Variants in ASXL3 observed in about 807,000 individuals in gnomAD.
ASXL3 encodes the protein ASXL transcriptional regulator 3.
In ASXL3, 34 loss-of-function variants were observed where a neutral mutation model predicts 170.6. The observed-to-expected ratio is 0.20, with a 90% CI of 0.15 to 0.27. The LOEUF (loss-of-function observed/expected upper bound fraction) is 0.27. Among genes scored for constraint, ASXL3 ranks in the 10% least tolerant of loss-of-function variants. The probability of loss-of-function intolerance (pLI) is 1.00; values close to 1 mark genes in which losing one functional copy is unlikely to be tolerated. For missense variants in ASXL3, 2,592 were observed against 2,695.3 expected (o/e 0.96, Z 0.85); for synonymous variants, 1,002 against 989.1 (o/e 1.01, Z -0.24).
At chr18:33,632,964 C>T in intron 2 of ASXL3, among the ~76,000 whole-genome samples, 1 of 152,070 alleles carries the variant, frequency 6.6e-6, no homozygotes, top group East Asian at 1.9e-4. Flanking sequence ...GTGGACCTTC[C>T]CTCTGGAATC....
rs780554857 is a variant in ASXL3 at position 33,739,261 on chromosome 18, G to C, written c.1857G>C (p.Glu619Asp). ...SETSFSSESP[E>D]GACTSLPSPG... is the part of the protein sequence containing the mutation. ...CGTCCTTTTCTTCTGAGAGCCCAGA[G>C]GGAGCCTGTACCAGCCTGCCTTCTC... The change falls in exon 11 of 12, where the codon GAG becomes GAC. Residue 619 changes from glutamate to aspartate, a missense_variant. Around this residue, in one of 4 missense-constraint regions of ASXL3, gnomAD observed 2,246 missense variants for 2,219.6 expected, o/e 1.01. Transcript: ENST00000269197. 10 of 1,613,664 alleles carry C rather than the reference G, an allele frequency of 6.2e-6. No individual in the cohort carries two copies. The East Asian group carries it at 2.0e-4, about 32-fold the overall frequency.
chr18:33,722,495 G>T (rs1010883849), intron 8 of ASXL3, among the ~76,000 whole-genome samples: 2 of 152,128 alleles, frequency 1.3e-5, no homozygotes, highest in African/African-American at 4.8e-5. Context: ...ATTCCTTTAA[G>T]CCAGAGCCTA....
At chr18:33,672,431 T>A (rs919639114) in intron 7 of ASXL3, among the ~76,000 whole-genome samples, 7 of 152,188 alleles carry the variant, frequency 4.6e-5, no homozygotes, top group African/African-American at 1.4e-4. Context: ...TCAACATACT[T>A]CTTTCCTGAT....
chr18:33,599,451 A>G (rs1217042740), intron 1 of ASXL3, among the ~76,000 whole-genome samples: 1 of 152,180 alleles, frequency 6.6e-6, no homozygotes, highest in Non-Finnish European at 1.5e-5. Context: ...TGGCAGCCAC[A>G]ACAGTTTGTT....
chr18:33,589,197 C>A (rs2065058072), intron 1 of ASXL3, among the ~76,000 whole-genome samples: 2 of 152,150 alleles, frequency 1.3e-5, no homozygotes, highest in African/African-American at 4.8e-5. Context: ...AATTTTATTT[C>A]TATTGTTTAA....
At chr18:33,657,897 A>G (rs1458724111) in intron 4 of ASXL3, among the ~76,000 whole-genome samples, 1 of 152,148 alleles carries the variant, frequency 6.6e-6, no homozygotes, top group Non-Finnish European at 1.5e-5. Context: ...GTGGAATGAT[A>G]AAAATTCTAG....
At chr18:33,728,493 A>C (rs769543190) in intron 8 of ASXL3, among the ~76,000 whole-genome samples, 29 of 152,140 alleles carry the variant, frequency 1.9e-4, no homozygotes, top group Non-Finnish European at 4.1e-4. Context: ...TTGTAGAAAA[A>C]TTTCAGATTT....
intron 8 of ASXL3, among the ~76,000 whole-genome samples, chr18:33,708,382 T>A (rs929304584): frequency 2.8e-4 from 43 of 152,214 alleles, no homozygotes; most frequent in Non-Finnish European, 3.7e-4. Flanking sequence ...GCATATTGAA[T>A]GTGTACATGT....
intron 8 of ASXL3, among the ~76,000 whole-genome samples, chr18:33,686,196 A>T (rs1353864252): frequency 6.6e-6 from 1 of 152,204 alleles, no homozygotes; most frequent in Non-Finnish European, 1.5e-5. Context: ...TTTTTTATTC[A>T]GAAATATTTA....
Position 33,586,829 on chromosome 18 carries a change from A to G in ASXL3, c.54+8144A>G, listed in dbSNP as rs550253091. ...TGAAATTTATCCAGTTCATTTAAAC[A>G]TTTATTGGATACTTTCAACAATTGT... On this transcript the variant is annotated intron_variant, in intron 1 of 11. Coordinates refer to ENST00000269197, the MANE Select transcript of ASXL3 (RefSeq NM_030632.3). Among the ~76,000 whole-genome samples the G allele has an allele frequency of 3.9e-5, 6 of 152,318 alleles. 1 individual carries two copies. The highest frequency in any genetic ancestry group is 1.4e-4 in the African/African-American group (6 of 41,574).
chr18:33,595,293 C>A lies in ASXL3; in HGVS notation c.55-12301C>A, dbSNP rs77274894. 1.8e-3 allele frequency among the ~76,000 whole-genome samples: 276 copies of A among 152,244 alleles called. 1 individual carries two copies. The highest frequency in any genetic ancestry group is 6.3e-3 in the African/African-American group (262 of 41,548). ...AGTGCATATTTAACAAAGAAATACA[C>A]CCTGCTTCTCAGAATTTTTGTTTAT... On this transcript the variant is annotated intron_variant, in intron 1 of 11. Coordinates refer to ENST00000269197, the MANE Select transcript of ASXL3 (RefSeq NM_030632.3).
chr18:33,578,748 G>C (rs2064967823), intron 1 of ASXL3, 63 bp downstream of exon 1: 1 of 1,045,426 alleles, frequency 9.6e-7, no homozygotes, highest in Non-Finnish European at 1.2e-6. Context: ...GCCCCGCGCC[G>C]GTCCGCGGCG....
intron 2 of ASXL3, among the ~76,000 whole-genome samples, chr18:33,632,011 A>G (rs2065684722): frequency 6.6e-6 from 1 of 152,114 alleles, no homozygotes; most frequent in Admixed American, 6.5e-5. Flanking sequence ...TATGTTCAGG[A>G]GTTGGTATAT....
intron 2 of ASXL3, among the ~76,000 whole-genome samples, chr18:33,627,924 A>G (rs1232999659): frequency 6.6e-6 from 1 of 152,158 alleles, no homozygotes; most frequent in East Asian, 1.9e-4. Flanking sequence ...AGTGTTGAAC[A>G]TGAAAGAAGT....
intron 1 of ASXL3, among the ~76,000 whole-genome samples, chr18:33,583,323 A>G (rs1203283765): frequency 1.3e-5 from 2 of 152,164 alleles, no homozygotes; most frequent in African/African-American, 2.4e-5. Flanking sequence ...ATAACTGACA[A>G]TGTAGTTGGA....
intron 4 of ASXL3, among the ~76,000 whole-genome samples, chr18:33,651,524 C>T (rs2065998613): frequency 2.0e-5 from 3 of 151,964 alleles, no homozygotes; most frequent in Non-Finnish European, 2.9e-5. Flanking sequence ...ATCTTTCCTT[C>T]TTATATTCAT....
At chr18:33,732,104 T>C in intron 9 of ASXL3, 40 bp downstream of exon 9, 1 of 1,491,006 alleles carries the variant, frequency 6.7e-7, no homozygotes, top group East Asian at 2.3e-5. Flanking sequence ...CATATTGGAG[T>C]ACACATACCG....
chr18:33,640,394 T>G (rs1306169214), intron 2 of ASXL3, among the ~76,000 whole-genome samples: 1 of 152,006 alleles, frequency 6.6e-6, no homozygotes, highest in African/African-American at 2.4e-5. Flanking sequence ...CATTTGGCCT[T>G]GGTTTTTCTA....
At chr18:33,661,513 T>C in intron 4 of ASXL3, 103 bp from the exon 5 acceptor site, 1 of 1,147,108 alleles carries the variant, frequency 8.7e-7, no homozygotes, top group Non-Finnish European at 1.2e-6. Flanking sequence ...TGCTTTATTT[T>C]AGGTATCCAT....
Sources: gnomAD v4.1 joint callset for allele counts (sites outside exome capture counted in the v4.1 genomes callset) on GRCh38, gnomAD v4.1.1 for gene constraint, gnomAD v4.1.1 regional missense constraint, MANE v1.5 for transcripts, NCBI Gene and HGNC (gene_info 2026-07-23, HGNC 2026-07-21) for gene names.